Variants in USP8 observed in about 807,000 individuals in gnomAD.
USP8 encodes the protein ubiquitin specific peptidase 8.
USP8 carries 27 observed loss-of-function variants against 130.0 expected under a neutral mutation model. The observed-to-expected ratio is 0.21, with a 90% CI of 0.15 to 0.29. The LOEUF is 0.29. Among genes scored for constraint, USP8 ranks in the 10% least tolerant of loss-of-function variants. The probability of loss-of-function intolerance (pLI) is 1.00; values close to 1 mark genes in which losing one functional copy is unlikely to be tolerated. For synonymous variants in USP8, 392 were observed against 444.1 expected (o/e 0.88, Z 1.48); for missense variants, 1,029 against 1,312.2 (o/e 0.78, Z 3.33).
At chr15:50,428,256 A>C (rs542333486) in intron 1 of USP8, among the ~76,000 whole-genome samples, 6 of 152,152 alleles carry the variant, frequency 3.9e-5, no homozygotes, top group Non-Finnish European at 8.8e-5. Context: ...AGCTGGGATC[A>C]CAGGCATATG....
At chr15:50,483,520 C>T (rs372579585) in intron 11 of USP8, among the ~76,000 whole-genome samples, 8 of 152,148 alleles carry the variant, frequency 5.3e-5, no homozygotes, top group East Asian at 1.9e-4. Flanking sequence ...ACGGGCCGGG[C>T]GCGTTGGCCC....
intron 15 of USP8, 72 bp from the exon 16 acceptor site, chr15:50,493,998 A>G: frequency 3.9e-6 from 6 of 1,530,778 alleles, no homozygotes; most frequent in Non-Finnish European, 5.4e-6. Context: ...TGTTGACATC[A>G]AGAATCTACT....
chr15:50,482,022 A>T lies in USP8; in HGVS notation c.1760A>T (p.Asp587Val). The T allele has an allele frequency of 1.3e-6, 2 of 1,561,498 alleles. No individual in the cohort carries two copies. The highest frequency in any genetic ancestry group is 1.7e-6 in the Non-Finnish European group (2 of 1,161,308). Residue 587 changes from aspartate (D) to valine (V), a missense_variant, in exon 11 of 20, where the codon GAT becomes GTT. By Grantham distance (152) the Asp-to-Val change is radical (BLOSUM62 -3). This residue lies in a region of USP8 where 486 missense variants were observed against 522.0 expected (regional missense o/e 0.93). Coordinates refer to ENST00000307179, the MANE Select transcript of USP8 (RefSeq NM_005154.5). ...TPEIQKKSTG[D>V]VPHTSVTGDS... is the part of the protein sequence containing the mutation. ...GAAATACAGAAAAAGTCAACAGGAG[A>T]TGTGCCCCATACATCTGTGACAGGG... is the stretch of plus-strand genomic sequence containing the variant.
At chr15:50,430,900 T>C (rs1386358250) in intron 1 of USP8, among the ~76,000 whole-genome samples, 9 of 152,298 alleles carry the variant, frequency 5.9e-5, no homozygotes, top group Non-Finnish European at 1.3e-4. Context: ...CGGCAATGAC[T>C]GTAGACAGTT....
At chr15:50,477,016 T>A (rs1468872206) in intron 9 of USP8, 23 bp downstream of exon 9, 3 of 1,593,428 alleles carry the variant, frequency 1.9e-6, no homozygotes, top group Non-Finnish European at 2.6e-6. Flanking sequence ...AAATTTTTGT[T>A]TAAAATTGCT....
chr15:50,500,374 C>T lies in USP8; in HGVS notation c.*1286C>T. 6.3e-6 allele frequency: 1 copy of T among 158,860 alleles called. No individual in the cohort carries two copies. Among genetic ancestry groups the T allele is most frequent in the East Asian group, 1.8e-4 (1 of 5,614 alleles). The allele number at this position is 158,860 out of a possible 1,614,324, so 9.8% of individuals were successfully genotyped here. Reference sequence around the variant, plus strand: ...TGATTATGAGATATTTTCTGATAAACACTGAATTTTGAAACCTGAACTCAC... The same window carrying T: ...TGATTATGAGATATTTTCTGATAAATACTGAATTTTGAAACCTGAACTCAC... On this transcript the variant is annotated 3_prime_UTR_variant, in exon 20 of 20. Coordinates refer to ENST00000307179, the MANE Select transcript of USP8 (RefSeq NM_005154.5).
At chr15:50,475,823 G>A (rs1402836379) in intron 8 of USP8, among the ~76,000 whole-genome samples, 3 of 151,962 alleles carry the variant, frequency 2.0e-5, no homozygotes, top group East Asian at 1.9e-4. Flanking sequence ...GGCTGGTCTC[G>A]AACTCCTGAC....
Position 50,510,120 on chromosome 15 carries a change from C to G in USP8, c.*11032C>G, listed in dbSNP as rs2052718087. On this transcript the variant is annotated 3_prime_UTR_variant, in exon 20 of 20. Coordinates refer to ENST00000307179, the MANE Select transcript of USP8 (RefSeq NM_005154.5). ...TTAGCCCAAATGTGAACAAATTGAC[C>G]AACAGACACACACAGCATAGGAAAA... 1 of 151,748 alleles carries G rather than the reference C, an allele frequency of 6.6e-6. No individual in the cohort carries two copies. The highest frequency in any genetic ancestry group is 1.5e-5 in the Non-Finnish European group (1 of 67,938). The allele number at this position is 151,748 out of a possible 1,614,324, so 9.4% of individuals were successfully genotyped here. A position where few individuals can be genotyped will look rare whatever the true frequency, so the allele number is the denominator to read the frequency against.
chr15:50,506,832 C>T lies in USP8; in HGVS notation c.*7744C>T, dbSNP rs2052667229. The T allele has an allele frequency of 6.6e-6, 1 of 151,994 alleles. No individual in the cohort carries two copies. Among genetic ancestry groups the T allele is most frequent in the Non-Finnish European group, 1.5e-5 (1 of 68,222 alleles). 9.4% of individuals were successfully genotyped at this position (151,994 alleles called of 1,614,324 possible). A position where few individuals can be genotyped will look rare whatever the true frequency, so the allele number is the denominator to read the frequency against. ...AATTAGCCGGGCATGGTGGCAGGCG[C>T]CTATAGTCCCAGCTACTCCGGAGGC... On this transcript the variant is annotated 3_prime_UTR_variant, in exon 20 of 20. Transcript: ENST00000307179.
chr15:50,493,896 T>A (rs996093162), intron 15 of USP8, 174 bp from the exon 16 acceptor site: 1 of 822,618 alleles, frequency 1.2e-6, no homozygotes, highest in Non-Finnish European at 2.1e-6. Context: ...GCTGAAGGGA[T>A]GTAAGCAAGT....
rs569517056 is a variant in USP8, at chr15:50,474,978, G to A, written c.850-1871G>A. On this transcript the variant is annotated intron_variant, in intron 8 of 19. Coordinates refer to ENST00000307179, the MANE Select transcript of USP8 (RefSeq NM_005154.5). ...ACAAAAATTTGCCGGGCATGATGGC[G>A]GGCGCCTGTGATCCCAGGTACTGAG... Among the ~76,000 whole-genome samples the A allele has an allele frequency of 2.6e-5, 4 of 152,164 alleles. No homozygotes were observed. The South Asian group carries it at 6.3e-4, about 24-fold the overall frequency.
intron 10 of USP8, among the ~76,000 whole-genome samples, chr15:50,479,014 A>G (rs2051668678): frequency 6.6e-6 from 1 of 152,206 alleles, no homozygotes; most frequent in Admixed American, 6.5e-5. Context: ...AGATCAGGCC[A>G]CTGCACTCCA....
At chr15:50,485,289 CA>C (rs1196297765) in intron 12 of USP8, among the ~76,000 whole-genome samples, 73 of 144,054 alleles carry the variant, frequency 5.1e-4, no homozygotes, top group South Asian at 8.9e-4. Context: ...ACTAAAAATA[CA>C]AAAAAAAAAA....
chr15:50,444,196 C>G (rs1482177989), intron 3 of USP8, among the ~76,000 whole-genome samples: 1 of 150,412 alleles, frequency 6.6e-6, no homozygotes, highest in African/African-American at 2.4e-5. Context: ...CTCCACCTCC[C>G]AAGTTCAAGT....
intron 6 of USP8, among the ~76,000 whole-genome samples, chr15:50,464,597 C>T (rs2051120613): frequency 6.6e-6 from 1 of 152,204 alleles, no homozygotes; most frequent in African/African-American, 2.4e-5. Context: ...TGGCTCACGC[C>T]TGTAATCCCA....
At chr15:50,490,006 C>T in intron 13 of USP8, 125 bp downstream of exon 13, 1 of 902,996 alleles carries the variant, frequency 1.1e-6, no homozygotes, top group Non-Finnish European at 1.6e-6. Flanking sequence ...ATAGCTTATT[C>T]CCCTAATTAT....
chr15:50,456,298 G>A (rs1004166155), intron 4 of USP8, among the ~76,000 whole-genome samples: 3 of 152,172 alleles, frequency 2.0e-5, no homozygotes, highest in South Asian at 2.1e-4. Flanking sequence ...TAGGCCAGGC[G>A]GGGTGGCTCA....
chr15:50,444,159 G>A (rs184958646), intron 3 of USP8, among the ~76,000 whole-genome samples: 14 of 144,170 alleles, frequency 9.7e-5, no homozygotes, highest in African/African-American at 3.1e-4. Flanking sequence ...GCTGGAGCGC[G>A]ATGGCATGAT....
chr15:50,508,694 A>C lies in USP8; in HGVS notation c.*9606A>C, dbSNP rs2052696093. 6.6e-6 allele frequency: 1 copy of C among 152,188 alleles called. No individual in the cohort carries two copies. The highest frequency in any genetic ancestry group is 1.5e-5 in the Non-Finnish European group (1 of 68,038). 9.4% of individuals were successfully genotyped at this position (152,188 alleles called of 1,614,324 possible). The stretch of plus-strand genomic sequence containing the variant: ...AAAAAAAGGTAAAAGTTGGTGTTTT[A>C]AGACAAAATAATTTGGATGTTAGCC... On this transcript the variant is annotated 3_prime_UTR_variant, in exon 20 of 20. Transcript: ENST00000307179.
Sources: allele counts gnomAD v4.1 joint callset (sites outside exome capture counted in the v4.1 genomes callset), GRCh38; gene constraint gnomAD v4.1.1; regional missense constraint gnomAD v4.1.1; transcripts MANE v1.5; gene names NCBI Gene and HGNC (gene_info 2026-07-23, HGNC 2026-07-21).